MSRA: variants seen among roughly 807,000 people sequenced by gnomAD.
MSRA encodes the protein methionine sulfoxide reductase A.
In MSRA, 54 loss-of-function variants were observed where a neutral mutation model predicts 31.3. The observed-to-expected ratio is 1.73, with a 90% CI of 1.39 to 2.17. The LOEUF is 2.17. MSRA is among the 30% of genes most tolerant of loss of function. The pLI, the probability that MSRA is intolerant of heterozygous loss-of-function variation, is 0.00. For synonymous variants in MSRA, 169 were observed against 116.5 expected (o/e 1.45, Z -2.90); for missense variants, 507 against 300.9 (o/e 1.69, Z -5.07).
chr8:10,322,157 A>C (rs6601438), intron 5 of MSRA, among the ~76,000 whole-genome samples: 122,228 of 152,116 alleles, frequency 0.8, 49,635 homozygotes, highest in East Asian at 1. Context: ...CAAGTACCTG[A>C]CACTTAGAAA....
intron 2 of MSRA, among the ~76,000 whole-genome samples, chr8:10,211,248 T>A (rs1809468293): frequency 6.6e-6 from 1 of 152,162 alleles, no homozygotes; most frequent in Non-Finnish European, 1.5e-5. Context: ...TATCAAGGGA[T>A]CAGAGAATAG....
At chr8:10,233,872 C>G (rs1426391161) in intron 2 of MSRA, among the ~76,000 whole-genome samples, 1 of 151,984 alleles carries the variant, frequency 6.6e-6, no homozygotes, top group Non-Finnish European at 1.5e-5. Context: ...TGAATGACAT[C>G]TAGATTTATA....
Position 10,400,628 on chromosome 8 carries a change from C to T in MSRA, c.544-27520C>T, listed in dbSNP as rs1012821377. ...TGTAGGGCATGGAGGCTGTTAGCCT[C>T]TCAGGGGAGTCTGGTTGCTGAGGTG... On this transcript the variant is annotated intron_variant, in intron 5 of 5. Coordinates refer to ENST00000317173, the MANE Select transcript of MSRA (RefSeq NM_012331.5). Among the ~76,000 whole-genome samples the T allele has an allele frequency of 8.5e-5, 13 of 152,080 alleles. 1 individual carries two copies. The highest frequency in any genetic ancestry group is 1.5e-5 in the Non-Finnish European group (1 of 68,010).
intron 1 of MSRA, among the ~76,000 whole-genome samples, chr8:10,062,557 A>G (rs1797258425): frequency 1.3e-5 from 2 of 152,192 alleles, no homozygotes; most frequent in African/African-American, 4.8e-5. Context: ...GAGTTGTTTG[A>G]GAGGCCAGGG....
At chr8:10,374,675 C>A (rs1015445490) in intron 5 of MSRA, among the ~76,000 whole-genome samples, 2 of 152,134 alleles carry the variant, frequency 1.3e-5, no homozygotes, top group African/African-American at 4.8e-5. Flanking sequence ...GTGCATTTCC[C>A]CCTCAATTTT....
intron 5 of MSRA, among the ~76,000 whole-genome samples, chr8:10,347,473 C>CAGCT (rs1179024171): frequency 2.6e-5 from 4 of 152,224 alleles, no homozygotes; most frequent in Non-Finnish European, 4.4e-5. Context: ...TTGCCCCCTG[C>CAGCT]AGCTATCAGT....
chr8:10,096,020 C>A, intron 1 of MSRA: 1 of 1,455,260 alleles, frequency 6.9e-7, no homozygotes, highest in African/African-American at 1.4e-5. Flanking sequence ...ATCAGAAAGA[C>A]ATCCTTCGGA....
chr8:10,168,881 T>TA (rs1170460683), intron 1 of MSRA, among the ~76,000 whole-genome samples: 1 of 152,222 alleles, frequency 6.6e-6, no homozygotes, highest in Non-Finnish European at 1.5e-5. Flanking sequence ...ATACACCTGA[T>TA]ATATTGTTTC....
chr8:10,197,183 T>C (rs935612050), intron 1 of MSRA, among the ~76,000 whole-genome samples: 1 of 152,196 alleles, frequency 6.6e-6, no homozygotes, highest in African/African-American at 2.4e-5. Flanking sequence ...GAATTACTTG[T>C]GTTAATAGTG....
chr8:10,305,963 T>C (rs1415212877), intron 4 of MSRA, among the ~76,000 whole-genome samples: 1 of 152,246 alleles, frequency 6.6e-6, no homozygotes, highest in Non-Finnish European at 1.5e-5. Context: ...CCTCTACTTT[T>C]GCTGAAACAT....
At chr8:10,292,617 C>T (rs768369189) in intron 3 of MSRA, among the ~76,000 whole-genome samples, 2 of 152,210 alleles carry the variant, frequency 1.3e-5, no homozygotes, top group Non-Finnish European at 2.9e-5. Flanking sequence ...CAAAGTCAGT[C>T]CCACAGAATC....
At chr8:10,119,752 G>C (rs1390973466) in intron 1 of MSRA, among the ~76,000 whole-genome samples, 2 of 152,138 alleles carry the variant, frequency 1.3e-5, no homozygotes, top group African/African-American at 4.8e-5. Flanking sequence ...TAATCGAGTA[G>C]AGTACTGAGA....
intron 1 of MSRA, among the ~76,000 whole-genome samples, chr8:10,074,652 CTTCTT>C (rs1035162008): frequency 2.0e-4 from 30 of 152,108 alleles, no homozygotes; most frequent in African/African-American, 6.0e-4. Context: ...ACCCCTTCTT[CTTCTT>C]TTCTTTTCTT....
At chr8:10,135,736 T>C (rs1802224787) in intron 1 of MSRA, among the ~76,000 whole-genome samples, 1 of 152,174 alleles carries the variant, frequency 6.6e-6, no homozygotes, top group South Asian at 2.1e-4. Context: ...GAGAGCCAAA[T>C]ATCGGTAATT....
chr8:10,139,574 G>A (rs1332139243), intron 1 of MSRA, among the ~76,000 whole-genome samples: 1 of 152,142 alleles, frequency 6.6e-6, no homozygotes, highest in Non-Finnish European at 1.5e-5. Flanking sequence ...CTATGTCCAT[G>A]TATACACATT....
chr8:10,381,055 A>G (rs1344691356), intron 5 of MSRA, among the ~76,000 whole-genome samples: 3 of 151,776 alleles, frequency 2.0e-5, no homozygotes, highest in Non-Finnish European at 2.9e-5. Context: ...GGAAAGATGG[A>G]TGGGTGGAGA....
chr8:10,276,239 T>C (rs1426742200), intron 3 of MSRA, among the ~76,000 whole-genome samples: 2 of 152,244 alleles, frequency 1.3e-5, no homozygotes, highest in African/African-American at 2.4e-5. Context: ...AGCAGCTGTT[T>C]GGGGCTCAGT....
intron 2 of MSRA, among the ~76,000 whole-genome samples, chr8:10,225,783 C>T (rs542239911): frequency 5.9e-5 from 9 of 152,266 alleles, no homozygotes; most frequent in African/African-American, 1.9e-4. Flanking sequence ...AGGAGGGATG[C>T]AGGGTGCAGG....
chr8:10,331,617 G>T (rs567685626), intron 5 of MSRA, among the ~76,000 whole-genome samples: 2 of 152,236 alleles, frequency 1.3e-5, no homozygotes, highest in Admixed American at 1.3e-4. Context: ...ATGCTGTGTG[G>T]CGATACATGC....
Sources: gnomAD v4.1 joint callset for allele counts (sites outside exome capture counted in the v4.1 genomes callset) on GRCh38, gnomAD v4.1.1 for gene constraint, MANE v1.5 for transcripts, NCBI Gene and HGNC (gene_info 2026-07-23, HGNC 2026-07-21) for gene names.